PCDH11X: variants seen among roughly 807,000 people sequenced by gnomAD.
The protein encoded by PCDH11X is protocadherin-11 X-linked.
PCDH11X carries 18 observed loss-of-function variants against 53.3 expected under a neutral mutation model. The ratio of observed to expected loss-of-function variants is 0.34; its 90% CI spans 0.23 to 0.50. The LOEUF (loss-of-function observed/expected upper bound fraction) is 0.50. PCDH11X is among the 20% of genes least tolerant of loss of function. The pLI is 0.98. For missense variants in PCDH11X, 570 were observed against 1,032.4 expected, an observed-to-expected ratio of 0.55 and a Z score of 6.14; for synonymous variants, 279 against 393.3, an observed-to-expected ratio of 0.71 and a Z score of 3.44.
At chrX:92,422,305 C>T (rs2071989532) in intron 9 of PCDH11X, among the ~76,000 whole-genome samples, 1 of 109,611 alleles carries the variant, frequency 9.1e-6, no homozygotes, top group South Asian at 3.9e-4. Context: ...TTTTATCCCT[C>T]ACTCCCCTCC....
chrX:92,617,454 G>T (rs1369162233), intron 10 of PCDH11X, among the ~76,000 whole-genome samples: 2 of 111,416 alleles, frequency 1.8e-5, no homozygotes, highest in Non-Finnish European at 3.8e-5. Context: ...TCTTCGTAGA[G>T]AATTGATCTT....
At chrX:92,300,454 T>TTTG (rs202104309) in intron 8 of PCDH11X, among the ~76,000 whole-genome samples, 3 of 110,552 alleles carry the variant, frequency 2.7e-5, no homozygotes, top group East Asian at 2.9e-4. Context: ...TATTCTTTGT[T>TTTG]TTGTTGTTGT....
intron 7 of PCDH11X, among the ~76,000 whole-genome samples, chrX:92,205,037 G>A (rs891933693): frequency 9.0e-6 from 1 of 111,725 alleles, no homozygotes. Context: ...ACAATTCAAA[G>A]TGAGAGTTGG....
chrX:92,113,613 C>T lies in PCDH11X; in HGVS notation c.3034-87762C>T, dbSNP rs1429733769. 6.7e-6 allele frequency: 8 copies of T among 1,195,171 alleles called. No homozygotes were observed. In the African/African-American group the frequency reaches 1.5e-4, roughly 22 times the overall value. On this transcript the variant is annotated intron_variant, in intron 6 of 10. Coordinates refer to ENST00000682573, the MANE Select transcript of PCDH11X (RefSeq NM_032968.5). The stretch of plus-strand genomic sequence containing the variant: ...TCTTCTCGGTGAGCCAGTCCACCTT[C>T]CTCCGGGTATTGATGAAGATGACTG...
intron 6 of PCDH11X, among the ~76,000 whole-genome samples, chrX:92,048,844 C>T (rs1392836685): frequency 8.9e-6 from 1 of 111,872 alleles, no homozygotes; most frequent in Non-Finnish European, 1.9e-5. Context: ...GGCACAGCTT[C>T]GTTTTATATA....
chrX:91,886,488 C>G (rs1337129101), intron 6 of PCDH11X, among the ~76,000 whole-genome samples: 1 of 110,608 alleles, frequency 9.0e-6, no homozygotes, highest in Non-Finnish European at 1.9e-5. Context: ...AATATATTCT[C>G]ATTTTATTTT....
intron 10 of PCDH11X, among the ~76,000 whole-genome samples, chrX:92,504,064 C>A (rs2148699012): frequency 2.4e-5 from 2 of 83,025 alleles, no homozygotes; most frequent in African/African-American, 8.4e-5. Flanking sequence ...AAAAAGACTT[C>A]TTAAAAATGC....
chrX:92,156,861 T>C (rs749094961), intron 6 of PCDH11X, among the ~76,000 whole-genome samples: 1 of 111,954 alleles, frequency 8.9e-6, no homozygotes, highest in East Asian at 2.8e-4. Flanking sequence ...GAAGTAAACA[T>C]GCTAACATGC....
intron 10 of PCDH11X, among the ~76,000 whole-genome samples, chrX:92,557,783 G>T (rs2075068246): frequency 9.1e-6 from 1 of 110,074 alleles, no homozygotes; most frequent in South Asian, 3.9e-4. Flanking sequence ...CCAGTACCTT[G>T]GTACAAATTT....
intron 8 of PCDH11X, among the ~76,000 whole-genome samples, chrX:92,370,442 AGC>A (rs2070589077): frequency 1.0e-5 from 1 of 99,343 alleles, no homozygotes; most frequent in Non-Finnish European, 2.0e-5. Flanking sequence ...GTTGTTGAAG[AGC>A]CATATGTTCT....
intron 6 of PCDH11X, among the ~76,000 whole-genome samples, chrX:91,981,993 C>T (rs1316238021): frequency 9.2e-6 from 1 of 108,468 alleles, no homozygotes; most frequent in Non-Finnish European, 1.9e-5. Context: ...TACAATCACA[C>T]AGACGCTTCC....
intron 10 of PCDH11X, among the ~76,000 whole-genome samples, chrX:92,594,842 T>TA (rs1925408661): frequency 6.4e-5 from 3 of 46,624 alleles, no homozygotes; most frequent in Admixed American, 4.8e-4. Flanking sequence ...AACATTGCTA[T>TA]TTTTTTTGTT....
At chrX:92,169,280 A>AT (rs1261746346) in intron 6 of PCDH11X, among the ~76,000 whole-genome samples, 3 of 69,040 alleles carry the variant, frequency 4.3e-5, no homozygotes, top group African/African-American at 9.2e-5. Flanking sequence ...TATAGTCCCC[A>AT]TTTTTTTTCA....
intron 6 of PCDH11X, among the ~76,000 whole-genome samples, chrX:92,119,620 A>G (rs1472298081): frequency 1.8e-5 from 2 of 110,918 alleles, no homozygotes; most frequent in Non-Finnish European, 3.8e-5. Flanking sequence ...CTCAAAACAA[A>G]CTTATTAGTA....
chrX:92,031,757 T>C (rs2063054074), intron 6 of PCDH11X, among the ~76,000 whole-genome samples: 1 of 111,370 alleles, frequency 9.0e-6, no homozygotes, highest in Non-Finnish European at 1.9e-5. Flanking sequence ...CCCCAGAGTA[T>C]GTTCTTGGCA....
intron 6 of PCDH11X, among the ~76,000 whole-genome samples, chrX:91,999,791 T>C (rs938089447): frequency 2.7e-5 from 3 of 110,666 alleles, no homozygotes; most frequent in Non-Finnish European, 5.7e-5. Context: ...TAGCATGGCA[T>C]ATTTTTCTTT....
chrX:91,802,151 G>A lies in PCDH11X; in HGVS notation c.-378-7315G>A, dbSNP rs1244790163. 2.7e-5 allele frequency among the ~76,000 whole-genome samples: 3 copies of A among 113,078 alleles called. 1 individual carries two copies. Among genetic ancestry groups the A allele is most frequent in the Middle Eastern group, 8.5e-3 (2 of 236 alleles). ...ATGGAGTAACATGTCTATCTAAGTT[G>A]TTGTTGGCAATCTGTGTTCCCCCTC... On this transcript the variant is annotated intron_variant, in intron 1 of 10. Coordinates refer to ENST00000682573, the MANE Select transcript of PCDH11X (RefSeq NM_032968.5).
chrX:92,605,571 AC>A (rs1926702055), intron 10 of PCDH11X, among the ~76,000 whole-genome samples: 1 of 112,276 alleles, frequency 8.9e-6, no homozygotes, highest in East Asian at 2.8e-4. Context: ...AGTTTCTTAT[AC>A]AGAAAATCTT....
intron 6 of PCDH11X, among the ~76,000 whole-genome samples, chrX:91,962,281 A>G (rs7061370): frequency 0.17 from 18,881 of 111,326 alleles, 2,458 homozygotes; most frequent in African/African-American, 0.45. Context: ...ACATACAATG[A>G]GTCAACAGGT....
Sources: gnomAD v4.1 joint callset for allele counts (sites outside exome capture counted in the v4.1 genomes callset) on GRCh38, gnomAD v4.1.1 for gene constraint, MANE v1.5 for transcripts, NCBI Gene and HGNC (gene_info 2026-07-23, HGNC 2026-07-21) for gene names.